Variants in C8A observed in about 807,000 individuals in gnomAD.
C8A encodes complement component C8 alpha chain.
A neutral mutation model predicts 65.3 loss-of-function variants in C8A; 67 were observed. The ratio of observed to expected loss-of-function variants is 1.03; its 90% CI spans 0.84 to 1.26. The LOEUF is 1.26. Ranked by LOEUF, C8A falls within the 50% of genes most tolerant of loss-of-function variation. The pLI, the probability that C8A is intolerant of heterozygous loss-of-function variation, is 0.00. For missense variants in C8A, 781 were observed against 723.9 expected (o/e 1.08, Z -0.90); for synonymous variants, 290 against 259.4 (o/e 1.12, Z -1.13).
At chr1:56,872,650 T>C (rs1644157543) in intron 2 of C8A, among the ~76,000 whole-genome samples, 1 of 152,096 alleles carries the variant, frequency 6.6e-6, no homozygotes, top group Admixed American at 6.6e-5. Flanking sequence ...TGAGAAGTCA[T>C]TCTAAGAAGA....
intron 7 of C8A, among the ~76,000 whole-genome samples, chr1:56,892,982 T>C (rs917636370): frequency 1.3e-5 from 2 of 152,112 alleles, no homozygotes; most frequent in African/African-American, 4.8e-5. Context: ...GAAAATGACT[T>C]ATGTTGATGA....
intron 1 of C8A, among the ~76,000 whole-genome samples, chr1:56,864,900 T>A (rs1644069946): frequency 1.3e-5 from 2 of 152,200 alleles, no homozygotes; most frequent in South Asian, 4.1e-4. Context: ...CCCCTTTTAC[T>A]GTGTTTACAG....
chr1:56,894,826 G>A (rs1644376026), intron 7 of C8A, among the ~76,000 whole-genome samples: 1 of 152,076 alleles, frequency 6.6e-6, no homozygotes, highest in African/African-American at 2.4e-5. Context: ...AAGTAAGGGG[G>A]TTTCTCTTTG....
chr1:56,888,422 C>T (rs1364982287), intron 7 of C8A, among the ~76,000 whole-genome samples: 1 of 152,122 alleles, frequency 6.6e-6, no homozygotes, highest in Non-Finnish European at 1.5e-5. Flanking sequence ...AAATATGGTT[C>T]CTACCCTCTT....
chr1:56,872,889 T>C (rs1644159877), intron 2 of C8A, among the ~76,000 whole-genome samples: 1 of 149,528 alleles, frequency 6.7e-6, no homozygotes, highest in Middle Eastern at 3.4e-3. Flanking sequence ...TAAACTGACA[T>C]AAAGAGAGGA....
chr1:56,899,310 GCT>G (rs2101281246), intron 7 of C8A, among the ~76,000 whole-genome samples: 1 of 152,268 alleles, frequency 6.6e-6, no homozygotes, highest in East Asian at 1.9e-4. Context: ...GCCATCCTTA[GCT>G]CTCTTTCCCA....
Position 56,885,394 on chromosome 1 carries a change from A to AC in C8A, c.856-533_856-532insC, listed in dbSNP as rs1557705718. The stretch of plus-strand genomic sequence containing the variant: ...TTTATATTTATTTAAATATATATTT[A>AC]AATAAATATATATTTATTTAAATAT... On this transcript the variant is annotated intron_variant, in intron 6 of 10. Coordinates refer to ENST00000361249, the MANE Select transcript of C8A (RefSeq NM_000562.3). 4.7e-3 allele frequency among the ~76,000 whole-genome samples: 580 copies of AC among 123,666 alleles called. 44 individuals carry two copies. The highest frequency in any genetic ancestry group is 0.016 in the African/African-American group (522 of 33,354). 81.1% of individuals were successfully genotyped at this position (123,666 alleles called of 152,430 possible).
At chr1:56,884,556 G>T (rs1455710904) in intron 6 of C8A, among the ~76,000 whole-genome samples, 2 of 152,120 alleles carry the variant, frequency 1.3e-5, no homozygotes, top group East Asian at 3.9e-4. Context: ...CTTTGCCAAA[G>T]AATTAGCTAT....
rs567529880 is a variant in C8A, at chr1:56,904,667, T to C, written c.1097-2000T>C. 2.6e-5 allele frequency among the ~76,000 whole-genome samples: 4 copies of C among 152,328 alleles called. No homozygotes were observed. The South Asian group carries it at 8.3e-4, about 32-fold the overall frequency. ...ACTGTATGGCCTTAGGCAATATAAT[T>C]AACCTTCATGAACCTCAGGCATCTC... On this transcript the variant is annotated intron_variant, in intron 7 of 10. Transcript: ENST00000361249.
At chr1:56,895,848 A>G (rs80268632) in intron 7 of C8A, among the ~76,000 whole-genome samples, 2 of 152,082 alleles carry the variant, frequency 1.3e-5, no homozygotes, top group Non-Finnish European at 2.9e-5. Flanking sequence ...ACTTGGGAGG[A>G]TGAGGTGGGA....
intron 5 of C8A, 151 bp from the exon 6 acceptor site, chr1:56,883,330 A>T: frequency 1.5e-6 from 1 of 675,746 alleles, no homozygotes. Flanking sequence ...TTTAATAAGT[A>T]TCAGTCTAAT....
rs372275960 is a variant in C8A, at chr1:56,883,692, A to G, written c.855+11A>G. 5.0e-6 allele frequency: 8 copies of G among 1,606,586 alleles called. No homozygotes were observed. In the Admixed American group the frequency reaches 6.7e-5, roughly 13 times the overall value. On this transcript the variant is annotated intron_variant, in intron 6 of 10. Transcript: ENST00000361249. ...AAGTATAATGAGAAGGTATTCAAACATAATGTCTGTGTCTCACAGTATTCC... is the reference window on the plus strand; with the variant it reads ...AAGTATAATGAGAAGGTATTCAAACGTAATGTCTGTGTCTCACAGTATTCC...
At chr1:56,860,424 T>C (rs1302491729) in intron 1 of C8A, among the ~76,000 whole-genome samples, 1 of 152,084 alleles carries the variant, frequency 6.6e-6, no homozygotes, top group Non-Finnish European at 1.5e-5. Context: ...ATTGAGTGTA[T>C]GGGTAGTAAA....
At chr1:56,874,541 A>G (rs1462324967) in intron 2 of C8A, among the ~76,000 whole-genome samples, 6 of 152,192 alleles carry the variant, frequency 3.9e-5, no homozygotes, top group Non-Finnish European at 5.9e-5. Flanking sequence ...GTCTGGTGGG[A>G]GAGATGGAGA....
At chr1:56,886,256 T>A in intron 7 of C8A, 89 bp downstream of exon 7, 1 of 1,498,550 alleles carries the variant, frequency 6.7e-7, no homozygotes, top group East Asian at 2.3e-5. Flanking sequence ...CTATGAGCCA[T>A]GGGTGATCTC....
intron 2 of C8A, among the ~76,000 whole-genome samples, chr1:56,869,201 C>T (rs113999702): frequency 0.024 from 3,649 of 152,182 alleles, 142 homozygotes; most frequent in Admixed American, 0.094. Flanking sequence ...CCCCAAAGTC[C>T]ATTATATTAT....
At chr1:56,869,468 C>G (rs1012712329) in intron 2 of C8A, among the ~76,000 whole-genome samples, 16 of 152,170 alleles carry the variant, frequency 1.1e-4, no homozygotes, top group African/African-American at 3.9e-4. Context: ...GTGAATTGTG[C>G]TGCTATAAAC....
At chr1:56,867,371 T>C (rs1644100784) in intron 1 of C8A, among the ~76,000 whole-genome samples, 1 of 152,190 alleles carries the variant, frequency 6.6e-6, no homozygotes, top group South Asian at 2.1e-4. Flanking sequence ...TCTCTAAAAT[T>C]ATAATAATTT....
chr1:56,914,886 C>T (rs1774893), intron 10 of C8A, among the ~76,000 whole-genome samples: 15,591 of 152,116 alleles, frequency 0.1, 1,254 homozygotes, highest in African/African-American at 0.22. Flanking sequence ...CCATGTTGGT[C>T]AGGCTGGTCT....
Sources: gnomAD v4.1 joint callset for allele counts (sites outside exome capture counted in the v4.1 genomes callset) on GRCh38, gnomAD v4.1.1 for gene constraint, MANE v1.5 for transcripts, NCBI Gene and HGNC (gene_info 2026-07-23, HGNC 2026-07-21) for gene names.